The following GALNT2 variants were observed in gnomAD, a reference collection of about 807,000 sequenced individuals.
GALNT2 encodes UDP-GalNAc:polypeptide N-acetylgalactosaminyltransferase 2.
Under a neutral mutation model 81.4 loss-of-function variants are expected in GALNT2, and 31 were observed. The observed-to-expected ratio is 0.38, with a 90% confidence interval of 0.29 to 0.51. The LOEUF (loss-of-function observed/expected upper bound fraction) is 0.51. Among genes scored for constraint, GALNT2 ranks in the 20% least tolerant of loss-of-function variants. The pLI, the probability that GALNT2 is intolerant of heterozygous loss-of-function variation, is 0.87. For missense variants in GALNT2, 629 were observed against 765.7 expected (o/e 0.82, Z 2.11); for synonymous variants, 303 against 287.4 (o/e 1.05, Z -0.55).
intron 1 of GALNT2, among the ~76,000 whole-genome samples, chr1:230,096,851 A>G (rs932625570): frequency 4.6e-5 from 7 of 152,238 alleles, no homozygotes; most frequent in Non-Finnish European, 1.0e-4. Context: ...CCAGCCTCTC[A>G]TTCAGTAAAG....
chr1:230,210,644 C>T (rs768537578), intron 3 of GALNT2, among the ~76,000 whole-genome samples: 17 of 152,126 alleles, frequency 1.1e-4, no homozygotes, highest in Admixed American at 2.6e-4. Context: ...AGTGGCTCAC[C>T]CTTTGTTTAG....
intron 1 of GALNT2, among the ~76,000 whole-genome samples, chr1:230,173,728 G>A (rs1223631118): frequency 2.6e-5 from 4 of 152,332 alleles, no homozygotes; most frequent in South Asian, 4.1e-4. Context: ...GCTACTGGGC[G>A]CAAGAGCCTT....
intron 10 of GALNT2, among the ~76,000 whole-genome samples, chr1:230,251,200 G>T (rs900218552): frequency 6.6e-6 from 1 of 152,154 alleles, no homozygotes; most frequent in Admixed American, 6.5e-5. Context: ...TGGAGTGGGG[G>T]AGATCTTTTT....
intron 1 of GALNT2, among the ~76,000 whole-genome samples, chr1:230,136,796 G>A (rs1167841392): frequency 6.6e-6 from 1 of 152,206 alleles, no homozygotes. Context: ...GCCATTGTAC[G>A]GGAAGCTCAA....
rs564187964 is a variant in GALNT2, at chr1:230,086,332, G to A, written c.126+18926G>A. On this transcript the variant is annotated intron_variant, in intron 1 of 15. Coordinates refer to ENST00000366672, the MANE Select transcript of GALNT2 (RefSeq NM_004481.5). Reference sequence around the variant, plus strand: ...TGAGAGGTGGTTAGTTCAGCCTGACGACCCAGCAGAGCACCTCCTGGTCAT... The same window carrying A: ...TGAGAGGTGGTTAGTTCAGCCTGACAACCCAGCAGAGCACCTCCTGGTCAT... Among the ~76,000 whole-genome samples, 35 of 152,270 alleles carry A rather than the reference G, an allele frequency of 2.3e-4. 1 individual carries two copies. The East Asian group carries it at 6.2e-3, about 27-fold the overall frequency.
chr1:230,228,412 T>G (rs2102729283), intron 3 of GALNT2, among the ~76,000 whole-genome samples: 1 of 152,106 alleles, frequency 6.6e-6, no homozygotes, highest in Admixed American at 6.5e-5. Context: ...GGCAGCATGG[T>G]ACAGGTGCGG....
At position 230,275,827 on chromosome 1, in the gene GALNT2, A is replaced by G. The variant is rs1666287980; in HGVS notation, c.1560+1263A>G. Reference sequence around the variant, plus strand: ...ATATATATACAAATATACATGCCACATATATACATGTATATACATGCCACA... The same window carrying G: ...ATATATATACAAATATACATGCCACGTATATACATGTATATACATGCCACA... On this transcript the variant is annotated intron_variant, in intron 15 of 15. Coordinates refer to ENST00000366672, the MANE Select transcript of GALNT2 (RefSeq NM_004481.5). This position sits in a 1 kb window ranked among gnomAD's most constrained non-coding sequence, Gnocchi z 5.5. 6.6e-6 allele frequency among the ~76,000 whole-genome samples: 1 copy of G among 151,478 alleles called. No individual in the cohort carries two copies.
At chr1:230,179,073 T>A (rs1484843728) in intron 2 of GALNT2, among the ~76,000 whole-genome samples, 1 of 148,706 alleles carries the variant, frequency 6.7e-6, no homozygotes, top group Non-Finnish European at 1.5e-5. Flanking sequence ...ATTTAATATA[T>A]ATTTATTTTA....
intron 2 of GALNT2, among the ~76,000 whole-genome samples, chr1:230,195,525 A>T (rs1346045449): frequency 6.6e-6 from 1 of 152,112 alleles, no homozygotes; most frequent in Non-Finnish European, 1.5e-5. Flanking sequence ...ATTGAGAGGC[A>T]GCTCAGCTGG....
chr1:230,125,544 G>GT (rs1205043278), intron 1 of GALNT2, among the ~76,000 whole-genome samples: 2 of 152,170 alleles, frequency 1.3e-5, no homozygotes, highest in Admixed American at 1.3e-4. Context: ...TTGTAATATC[G>GT]TATCTGTGGG....
chr1:230,179,950 C>T (rs1420542441), intron 2 of GALNT2, among the ~76,000 whole-genome samples: 1 of 152,192 alleles, frequency 6.6e-6, no homozygotes, highest in Non-Finnish European at 1.5e-5. Flanking sequence ...GACAGAGTCT[C>T]ACTCTGTTGC....
At chr1:230,086,136 T>G (rs957249770) in intron 1 of GALNT2, among the ~76,000 whole-genome samples, 1 of 152,130 alleles carries the variant, frequency 6.6e-6, no homozygotes, top group African/African-American at 2.4e-5. Context: ...TTGGTATTCC[T>G]AGGGTGCCAG....
chr1:230,186,911 T>G (rs1348134371), intron 2 of GALNT2, among the ~76,000 whole-genome samples: 1 of 152,242 alleles, frequency 6.6e-6, no homozygotes, highest in East Asian at 1.9e-4. Flanking sequence ...CATAATTTTT[T>G]TGTTGTTAGA....
At chr1:230,140,566 C>T (rs915933926) in intron 1 of GALNT2, among the ~76,000 whole-genome samples, 7 of 152,128 alleles carry the variant, frequency 4.6e-5, no homozygotes, top group South Asian at 2.1e-4. Flanking sequence ...CAGTGGTGCT[C>T]GGGAAACTTC....
intron 1 of GALNT2, among the ~76,000 whole-genome samples, chr1:230,080,537 C>T: frequency 6.6e-6 from 1 of 152,128 alleles, no homozygotes; most frequent in East Asian, 1.9e-4. Context: ...GCTTTGGAAA[C>T]AGTTTTGCCT....
chr1:230,069,866 T>C (rs189349820), intron 1 of GALNT2, among the ~76,000 whole-genome samples: 1 of 152,358 alleles, frequency 6.6e-6, no homozygotes, highest in African/African-American at 2.4e-5. Flanking sequence ...AGGGCTTTTA[T>C]TCCATATTTA....
chr1:230,251,243 T>C (rs1427173084), intron 10 of GALNT2, among the ~76,000 whole-genome samples: 1 of 152,206 alleles, frequency 6.6e-6, no homozygotes, highest in Non-Finnish European at 1.5e-5. Context: ...TTGTTTCAAA[T>C]GCTTGACATT....
chr1:230,114,543 G>T (rs769619863), intron 1 of GALNT2, among the ~76,000 whole-genome samples: 1 of 152,226 alleles, frequency 6.6e-6, no homozygotes, highest in Admixed American at 6.5e-5. Context: ...GCTGAACCCG[G>T]CACTGCTGGG....
intron 1 of GALNT2, among the ~76,000 whole-genome samples, chr1:230,078,835 A>T (rs779283482): frequency 2.6e-5 from 4 of 152,074 alleles, no homozygotes; most frequent in Non-Finnish European, 5.9e-5. Context: ...TCAGGGTCTC[A>T]CCCTATCACC....
Sources: gnomAD v4.1 joint callset for allele counts (sites outside exome capture counted in the v4.1 genomes callset) on GRCh38, gnomAD v4.1.1 for gene constraint, Gnocchi (gnomAD v3.1) non-coding constraint, MANE v1.5 for transcripts, NCBI Gene and HGNC (gene_info 2026-07-23, HGNC 2026-07-21) for gene names.